Variants in RELCH observed in about 807,000 individuals in gnomAD.
RELCH encodes the protein RAB11-binding protein RELCH.
A neutral mutation model predicts 150.3 loss-of-function variants in RELCH; 41 were observed. The ratio of observed to expected loss-of-function variants is 0.27; its 90% confidence interval spans 0.21 to 0.35. RELCH has a LOEUF of 0.35. Among genes scored for constraint, RELCH ranks in the 10% least tolerant of loss-of-function variants. The pLI is 1.00. For synonymous variants in RELCH, 478 were observed against 531.8 expected (o/e 0.90, Z 1.39); for missense variants, 1,092 against 1,467.8 (o/e 0.74, Z 4.18).
chr18:62,309,751 T>C lies in RELCH; in HGVS notation c.*4217T>C, dbSNP rs2045960805. 1 of 152,174 alleles carries C rather than the reference T, an allele frequency of 6.6e-6. No homozygotes were observed. 9.4% of individuals were successfully genotyped at this position (152,174 alleles called of 1,614,324 possible). On this transcript the variant is annotated 3_prime_UTR_variant, in exon 29 of 29. Transcript: ENST00000644646. ...TACTATTTTAATTCCTTTTATTCCATTACAGACTAATCCACCATATTTATT... is the reference window on the plus strand; with the variant it reads ...TACTATTTTAATTCCTTTTATTCCACTACAGACTAATCCACCATATTTATT...
At position 62,305,266 on chromosome 18, in the gene RELCH, A is replaced by G; in HGVS notation, c.3531-148A>G. 1 of 569,088 alleles carries G rather than the reference A, an allele frequency of 1.8e-6. No homozygotes were observed. The highest frequency in any genetic ancestry group is 2.9e-6 in the Non-Finnish European group (1 of 342,094). 35.3% of individuals were successfully genotyped at this position (569,088 alleles called of 1,614,324 possible). On this transcript the variant is annotated intron_variant, in intron 28 of 28. Coordinates refer to ENST00000644646, the MANE Select transcript of RELCH (RefSeq NM_001346231.2). This position sits in a 1 kb window ranked among gnomAD's most constrained non-coding sequence, Gnocchi z 4.0. ...TGAACATGAAAGCTCCTAACCTAGT[A>G]TGGCATATACAAACTACCCTCCATA...
chr18:62,203,612 C>T (rs1020727820), intron 1 of RELCH, among the ~76,000 whole-genome samples: 6 of 152,250 alleles, frequency 3.9e-5, no homozygotes, highest in Admixed American at 3.9e-4. Flanking sequence ...TTGCTATGTA[C>T]ACTTATTTTG....
At chr18:62,188,248 TC>T (rs1394707871) in intron 1 of RELCH, among the ~76,000 whole-genome samples, 1 of 152,234 alleles carries the variant, frequency 6.6e-6, no homozygotes, top group African/African-American at 2.4e-5. Context: ...TGCACTTGGC[TC>T]CTGGCTCCCC....
At position 62,299,518 on chromosome 18, in the gene RELCH, A is replaced by G. The variant is rs79478865; in HGVS notation, c.3530+658A>G. On this transcript the variant is annotated intron_variant, in intron 28 of 28. Coordinates refer to ENST00000644646, the MANE Select transcript of RELCH (RefSeq NM_001346231.2). ...ATCCTATCAGTCTAGAAACACACAC[A>G]CACTCACGCATACGCTCCTCCCTAT... Among the ~76,000 whole-genome samples the G allele has an allele frequency of 5.4e-3, 823 of 152,242 alleles. 4 individuals are homozygous for G. The highest frequency in any genetic ancestry group is 0.019 in the African/African-American group (780 of 41,542).
At chr18:62,294,632 G>A (rs2045314588) in intron 27 of RELCH, among the ~76,000 whole-genome samples, 1 of 151,996 alleles carries the variant, frequency 6.6e-6, no homozygotes, top group Admixed American at 6.6e-5. Context: ...TTTATGACAT[G>A]TCTTTTCATA....
At chr18:62,213,503 G>C (rs2040294675) in intron 2 of RELCH, among the ~76,000 whole-genome samples, 1 of 152,072 alleles carries the variant, frequency 6.6e-6, no homozygotes, top group African/African-American at 2.4e-5. Context: ...GCAGAGGCGG[G>C]TCGATCACCT....
chr18:62,264,954 C>A, intron 18 of RELCH, 102 bp downstream of exon 18: 2 of 932,706 alleles, frequency 2.1e-6, no homozygotes, highest in Non-Finnish European at 1.6e-6. Context: ...ATTCTTTTAT[C>A]TAATTCGCTT....
intron 2 of RELCH, chr18:62,220,820 C>G: frequency 1.8e-6 from 1 of 553,876 alleles, no homozygotes; most frequent in South Asian, 2.3e-5. Flanking sequence ...GATAATAACC[C>G]CCTGAATTCT....
At chr18:62,240,037 T>G (rs541051281) in intron 10 of RELCH, among the ~76,000 whole-genome samples, 2 of 151,598 alleles carry the variant, frequency 1.3e-5, no homozygotes, top group Non-Finnish European at 3.0e-5. Flanking sequence ...GATACAAGTG[T>G]ATCTTGTATC....
intron 27 of RELCH, among the ~76,000 whole-genome samples, chr18:62,298,588 G>T (rs570204626): frequency 5.9e-5 from 9 of 152,196 alleles, no homozygotes; most frequent in Admixed American, 3.3e-4. Context: ...ATAAATTATT[G>T]TTATATGATT....
intron 22 of RELCH, among the ~76,000 whole-genome samples, chr18:62,278,732 T>C (rs1306986381): frequency 6.6e-6 from 1 of 152,148 alleles, no homozygotes. Context: ...CAGTAATATT[T>C]ATCAAACAAA....
chr18:62,269,060 C>G (rs1165347578), intron 20 of RELCH, 112 bp downstream of exon 20: 4 of 461,140 alleles, frequency 8.7e-6, no homozygotes, highest in Non-Finnish European at 1.2e-5. Flanking sequence ...AAACAATTTA[C>G]TTATTTTATT....
intron 25 of RELCH, among the ~76,000 whole-genome samples, chr18:62,287,124 CAG>C (rs2044847758): frequency 6.6e-6 from 1 of 152,110 alleles, no homozygotes; most frequent in Admixed American, 6.5e-5. Flanking sequence ...GTAATAGTGA[CAG>C]TACTAAAATT....
At chr18:62,237,883 A>G (rs1397106735) in intron 10 of RELCH, among the ~76,000 whole-genome samples, 1 of 151,872 alleles carries the variant, frequency 6.6e-6, no homozygotes, top group African/African-American at 2.4e-5. Flanking sequence ...AATAGAAAGC[A>G]CGATGAATAT....
At chr18:62,189,060 A>G (rs932817389) in intron 1 of RELCH, among the ~76,000 whole-genome samples, 4 of 152,138 alleles carry the variant, frequency 2.6e-5, no homozygotes, top group African/African-American at 9.7e-5. Flanking sequence ...AAGCTTAGGG[A>G]GTGCATTTTC....
chr18:62,215,530 G>A (rs1052947480), intron 2 of RELCH, among the ~76,000 whole-genome samples: 11 of 152,162 alleles, frequency 7.2e-5, no homozygotes, highest in Non-Finnish European at 1.2e-4. Flanking sequence ...CCTTCAAAGA[G>A]GAAGGGATCT....
In RELCH at chr18:62,204,265, AATTTT is replaced by A. The variant is rs768497785; in HGVS notation, c.527-6881_527-6877del. 1.6e-4 allele frequency among the ~76,000 whole-genome samples: 25 copies of A among 152,278 alleles called. No individual in the cohort carries two copies. The East Asian group carries it at 4.1e-3, about 25-fold the overall frequency. ...AATATTGGAGAAAAGTAGTTAGATTAATTTTATTTTAAAGAACTGGAAATTTTAGG... is the reference window on the plus strand; with the variant it reads ...AATATTGGAGAAAAGTAGTTAGATTAATTTTAAAGAACTGGAAATTTTAGG... On this transcript the variant is annotated intron_variant, in intron 1 of 28. Coordinates refer to ENST00000644646, the MANE Select transcript of RELCH (RefSeq NM_001346231.2).
chr18:62,198,497 C>T (rs915681663), intron 1 of RELCH, among the ~76,000 whole-genome samples: 1 of 152,132 alleles, frequency 6.6e-6, no homozygotes, highest in Non-Finnish European at 1.5e-5. Flanking sequence ...TTTTTGAAAC[C>T]AGCTGGTCCT....
intron 10 of RELCH, among the ~76,000 whole-genome samples, chr18:62,237,200 C>G (rs2041919689): frequency 6.6e-6 from 1 of 151,700 alleles, no homozygotes; most frequent in African/African-American, 2.4e-5. Context: ...TTACCTATGC[C>G]TAACTTATGG....
Sources: allele counts gnomAD v4.1 joint callset (sites outside exome capture counted in the v4.1 genomes callset), GRCh38; gene constraint gnomAD v4.1.1; non-coding constraint Gnocchi (gnomAD v3.1); transcripts MANE v1.5; gene names NCBI Gene and HGNC (gene_info 2026-07-23, HGNC 2026-07-21).